Variants in PRKD1 observed in about 807,000 individuals in gnomAD.
PRKD1 encodes protein kinase D1.
Under a neutral mutation model 95.9 loss-of-function variants are expected in PRKD1, and 63 were observed. The observed-to-expected ratio is 0.66, with a 90% CI of 0.54 to 0.81. PRKD1 has a LOEUF of 0.81. Among genes scored for constraint, PRKD1 ranks in the 30% least tolerant of loss-of-function variants. The pLI, the probability that PRKD1 is intolerant of heterozygous loss-of-function variation, is 0.00. For synonymous variants in PRKD1, 425 were observed against 423.1 expected, an observed-to-expected ratio of 1.00 and a Z score of -0.05; for missense variants, 1,048 against 1,165.3, an observed-to-expected ratio of 0.90 and a Z score of 1.47.
chr14:29,847,744 A>C (rs1892137638), intron 1 of PRKD1, among the ~76,000 whole-genome samples: 1 of 152,294 alleles, frequency 6.6e-6, no homozygotes, highest in Admixed American at 6.5e-5. Flanking sequence ...CATTAAATTC[A>C]GATTCCTATG....
intron 1 of PRKD1, among the ~76,000 whole-genome samples, chr14:29,877,323 C>A (rs1384494560): frequency 6.6e-6 from 1 of 152,118 alleles, no homozygotes; most frequent in Non-Finnish European, 1.5e-5. Context: ...CATTATGTTG[C>A]CCAATTTTAA....
chr14:29,592,415 T>C (rs1373481825), intron 16 of PRKD1, among the ~76,000 whole-genome samples: 3 of 152,232 alleles, frequency 2.0e-5, no homozygotes, highest in Non-Finnish European at 2.9e-5. Flanking sequence ...ATATGATGTA[T>C]GTATGTACTC....
intron 1 of PRKD1, among the ~76,000 whole-genome samples, chr14:29,763,426 GGAGGGGGAGGGAGGGGGGAGGGGAGTGGA>G (rs1888109311): frequency 3.0e-5 from 3 of 100,092 alleles, no homozygotes; most frequent in Non-Finnish European, 2.1e-5. Flanking sequence ...GGAGGGGAAG[GGAGGGGGAGGGAGGGGGGAGGGGAGTGGA>G]AAGGAGGGAA....
Position 29,666,072 on chromosome 14 carries a change from C to T in PRKD1, c.535+5G>A, listed in dbSNP as rs1015994606. ...TTTAACTTGCATGGGAAGAAAATAACTTACCTTCACATTTAAGACCTTGAC... is the reference window on the plus strand; with the variant it reads ...TTTAACTTGCATGGGAAGAAAATAATTTACCTTCACATTTAAGACCTTGAC... On this transcript the variant is annotated splice_donor_5th_base_variant and intron_variant, in intron 3 of 17. Coordinates refer to ENST00000331968, the MANE Select transcript of PRKD1 (RefSeq NM_002742.3). 1.3e-6 allele frequency: 2 copies of T among 1,580,208 alleles called. No individual in the cohort carries two copies. The highest frequency in any genetic ancestry group is 1.7e-6 in the Non-Finnish European group (2 of 1,157,044).
intron 1 of PRKD1, among the ~76,000 whole-genome samples, chr14:29,799,015 G>T (rs1286969376): frequency 6.6e-6 from 1 of 152,088 alleles, no homozygotes; most frequent in South Asian, 2.1e-4. Context: ...CCACGATTTG[G>T]CAGCTGCTTA....
At chr14:29,895,972 T>C (rs1260810383) in intron 1 of PRKD1, among the ~76,000 whole-genome samples, 2 of 152,216 alleles carry the variant, frequency 1.3e-5, no homozygotes, top group African/African-American at 4.8e-5. Context: ...TTACTTTTCA[T>C]TGTTTATCTC....
intron 13 of PRKD1, among the ~76,000 whole-genome samples, chr14:29,600,389 C>T (rs1309625936): frequency 2.0e-5 from 3 of 152,140 alleles, no homozygotes; most frequent in Non-Finnish European, 4.4e-5. Flanking sequence ...GTCTACAATA[C>T]CATCCTACCT....
At chr14:29,758,670 A>G (rs1397226323) in intron 1 of PRKD1, among the ~76,000 whole-genome samples, 2 of 152,234 alleles carry the variant, frequency 1.3e-5, no homozygotes, top group Admixed American at 1.3e-4. Flanking sequence ...TATTATACTT[A>G]GTCTATACTT....
At chr14:29,794,340 CA>C in intron 1 of PRKD1, among the ~76,000 whole-genome samples, 1 of 151,724 alleles carries the variant, frequency 6.6e-6, no homozygotes, top group East Asian at 1.9e-4. Flanking sequence ...TAAACAAACA[CA>C]AATAGAAATA....
intron 2 of PRKD1, among the ~76,000 whole-genome samples, chr14:29,720,027 A>G (rs184184673): frequency 7.3e-4 from 111 of 152,332 alleles, no homozygotes; most frequent in South Asian, 1.5e-3. Flanking sequence ...GTTTAGCCCA[A>G]CATTTTCCAA....
intron 2 of PRKD1, among the ~76,000 whole-genome samples, chr14:29,679,630 G>A (rs1883419268): frequency 6.6e-6 from 1 of 152,022 alleles, no homozygotes; most frequent in South Asian, 2.1e-4. Flanking sequence ...AGTGAACACG[G>A]ATTTGGAGAC....
chr14:29,830,277 G>A (rs1162081140), intron 1 of PRKD1, among the ~76,000 whole-genome samples: 1 of 152,244 alleles, frequency 6.6e-6, no homozygotes, highest in East Asian at 1.9e-4. Flanking sequence ...ACTACAAATT[G>A]TCCCTCCCTC....
chr14:29,731,867 CTTTTTTT>C (rs56015138), intron 1 of PRKD1, among the ~76,000 whole-genome samples: 2 of 144,588 alleles, frequency 1.4e-5, no homozygotes, highest in Admixed American at 1.4e-4. Context: ...ACAATCTCTA[CTTTTTTT>C]TTTTTTTTTT....
At chr14:29,832,640 G>C (rs961732782) in intron 1 of PRKD1, among the ~76,000 whole-genome samples, 3 of 151,998 alleles carry the variant, frequency 2.0e-5, no homozygotes, top group African/African-American at 7.2e-5. Flanking sequence ...CCTCCTCAGA[G>C]AAAACTGAGG....
chr14:29,800,652 C>A (rs1188919866), intron 1 of PRKD1, among the ~76,000 whole-genome samples: 1 of 152,168 alleles, frequency 6.6e-6, no homozygotes, highest in African/African-American at 2.4e-5. Context: ...AGACTCTACA[C>A]ATAGACATGC....
chr14:29,875,068 T>C (rs931215619), intron 1 of PRKD1, among the ~76,000 whole-genome samples: 2 of 152,124 alleles, frequency 1.3e-5, no homozygotes, highest in Non-Finnish European at 2.9e-5. Context: ...AAAAAACAAA[T>C]GAAAACCAAT....
intron 1 of PRKD1, among the ~76,000 whole-genome samples, chr14:29,754,531 T>C (rs951752116): frequency 1.3e-5 from 2 of 152,116 alleles, no homozygotes; most frequent in Non-Finnish European, 2.9e-5. Flanking sequence ...TAGGCATCAG[T>C]TTTACTTTTT....
intron 2 of PRKD1, among the ~76,000 whole-genome samples, chr14:29,677,214 T>C (rs1594419552): frequency 6.6e-6 from 1 of 152,260 alleles, no homozygotes; most frequent in East Asian, 1.9e-4. Context: ...CTAACACTTA[T>C]CAAGCACTTA....
At chr14:29,755,795 C>G (rs1887670669) in intron 1 of PRKD1, among the ~76,000 whole-genome samples, 1 of 152,156 alleles carries the variant, frequency 6.6e-6, no homozygotes, top group African/African-American at 2.4e-5. Context: ...TGTGCTTAGA[C>G]AAGGCACTGT....
Sources: allele counts gnomAD v4.1 joint callset (sites outside exome capture counted in the v4.1 genomes callset), GRCh38; gene constraint gnomAD v4.1.1; transcripts MANE v1.5; gene names NCBI Gene and HGNC (gene_info 2026-07-23, HGNC 2026-07-21).